Variants in RPTOR observed in about 807,000 individuals in gnomAD.
RPTOR encodes regulatory-associated protein of mTOR.
Under a neutral mutation model 169.9 loss-of-function variants are expected in RPTOR, and 21 were observed. The observed-to-expected ratio is 0.12, with a 90% CI of 0.09 to 0.18. The LOEUF (loss-of-function observed/expected upper bound fraction) is 0.18. Ranked by LOEUF, RPTOR falls within the 10% of genes least tolerant of loss-of-function variation. The probability of loss-of-function intolerance (pLI) is 1.00; values close to 1 mark genes in which losing one functional copy is unlikely to be tolerated. For synonymous variants in RPTOR, 732 were observed against 753.2 expected (o/e 0.97, Z 0.46); for missense variants, 1,133 against 1,855.9 (o/e 0.61, Z 7.16).
chr17:80,736,157 T>G, intron 5 of RPTOR, among the ~76,000 whole-genome samples: 1 of 150,866 alleles, frequency 6.6e-6, no homozygotes, highest in African/African-American at 2.4e-5. Flanking sequence ...GGCAATAGAG[T>G]GAGACCCCAT....
rs1201586387 is a variant in RPTOR at position 80,943,848 on chromosome 17, C to G, written c.3026-1819C>G. Among the ~76,000 whole-genome samples the G allele has an allele frequency of 2.5e-5, 3 of 122,120 alleles. No individual in the cohort carries two copies. The South Asian group carries it at 8.1e-4, about 33-fold the overall frequency. 80.1% of individuals were successfully genotyped at this position (122,120 alleles called of 152,430 possible). On this transcript the variant is annotated intron_variant, in intron 25 of 33. Coordinates refer to ENST00000306801, the MANE Select transcript of RPTOR (RefSeq NM_020761.3). ...GGTTAGTAAGAGCCAGGCGGTGTCT[C>G]TCTGCACCACCTGGAGCTATGTCTC... is the stretch of plus-strand genomic sequence containing the variant.
chr17:80,917,087 G>A (rs912666538), intron 21 of RPTOR, among the ~76,000 whole-genome samples: 6 of 151,796 alleles, frequency 4.0e-5, no homozygotes, highest in African/African-American at 7.2e-5. Context: ...TCATGCTTTC[G>A]TAGCATGAGT....
intron 2 of RPTOR, among the ~76,000 whole-genome samples, chr17:80,635,914 A>G (rs971673680): frequency 3.9e-5 from 6 of 152,134 alleles, no homozygotes; most frequent in Non-Finnish European, 7.3e-5. Flanking sequence ...TGCCTTCCTC[A>G]AGATGAGAAT....
At chr17:80,694,609 C>G (rs141188771) in intron 3 of RPTOR, among the ~76,000 whole-genome samples, 2 of 152,200 alleles carry the variant, frequency 1.3e-5, no homozygotes, top group East Asian at 3.9e-4. Context: ...GCCAGGCAGG[C>G]GTGCACATAT....
At chr17:80,729,000 G>A (rs748069563) in intron 4 of RPTOR, among the ~76,000 whole-genome samples, 9 of 152,188 alleles carry the variant, frequency 5.9e-5, no homozygotes, top group African/African-American at 1.4e-4. Context: ...TCCTGCCCAC[G>A]ATGATGTACG....
At chr17:80,913,862 T>G (rs1287214933) in intron 21 of RPTOR, among the ~76,000 whole-genome samples, 1 of 152,188 alleles carries the variant, frequency 6.6e-6, no homozygotes, top group East Asian at 1.9e-4. Flanking sequence ...CCTCAGTGGT[T>G]TTAGGACAAT....
chr17:80,766,275 A>G (rs1424553559), intron 6 of RPTOR, among the ~76,000 whole-genome samples: 4 of 152,006 alleles, frequency 2.6e-5, no homozygotes, highest in South Asian at 2.1e-4. Context: ...CTGGTCTCGA[A>G]CTCCTAAGCT....
At chr17:80,930,087 G>GCATCCTCAACT (rs1296814599) in intron 24 of RPTOR, among the ~76,000 whole-genome samples, 1 of 35,076 alleles carries the variant, frequency 2.9e-5, no homozygotes, top group Non-Finnish European at 5.9e-5. Context: ...CATCCCCAGC[G>GCATCCTCAACT]CATCCTCAAC....
intron 5 of RPTOR, among the ~76,000 whole-genome samples, chr17:80,744,901 T>TTACTAGCAGAGC (rs1567889528): frequency 1.4e-5 from 1 of 71,172 alleles, no homozygotes; most frequent in African/African-American, 7.6e-5. Context: ...ACTAGCACTG[T>TTACTAGCAGAGC]CCTGGCTACT....
chr17:80,580,064 C>T (rs1239881623), intron 1 of RPTOR, among the ~76,000 whole-genome samples: 5 of 152,184 alleles, frequency 3.3e-5, no homozygotes, highest in Non-Finnish European at 7.3e-5. Flanking sequence ...GGCTTCCTCA[C>T]GGTCAGGCAT....
chr17:80,691,339 GGTGTGGT>G (rs1473057803), intron 3 of RPTOR, among the ~76,000 whole-genome samples: 1 of 120,874 alleles, frequency 8.3e-6, no homozygotes, highest in Non-Finnish European at 1.7e-5. Flanking sequence ...GTATGTGTGT[GGTGTGGT>G]GTGTGTGGCC....
chr17:80,923,222 TG>T (rs1598403284), intron 22 of RPTOR, among the ~76,000 whole-genome samples: 1 of 152,234 alleles, frequency 6.6e-6, no homozygotes, highest in East Asian at 1.9e-4. Context: ...GACTCTGAGC[TG>T]GGTTCGTCCT....
intron 1 of RPTOR, among the ~76,000 whole-genome samples, chr17:80,585,187 A>T (rs181875019): frequency 7.6e-6 from 1 of 132,296 alleles, no homozygotes; most frequent in African/African-American, 3.9e-5. Context: ...TATTATTATT[A>T]TTATTATTAT....
At position 80,851,132 on chromosome 17, in the gene RPTOR, T is replaced by C. The variant is rs565086242; in HGVS notation, c.1315-4332T>C. 2.3e-4 allele frequency among the ~76,000 whole-genome samples: 35 copies of C among 152,214 alleles called. 1 individual carries two copies. The highest frequency in any genetic ancestry group is 8.5e-4 in the Admixed American group (13 of 15,278). On this transcript the variant is annotated intron_variant, in intron 11 of 33. Transcript: ENST00000306801. ...TTTGTAGAGACGGGGTTTCACCATG[T>C]TGGGCAGGCTGGTCTCGACCTCCTG... is the stretch of plus-strand genomic sequence containing the variant.
rs1220554818 is a variant in RPTOR at position 80,707,835 on chromosome 17, C to T, written c.349-6C>T. 1 of 1,607,928 alleles carries T rather than the reference C, an allele frequency of 6.2e-7. No homozygotes were observed. The highest frequency in any genetic ancestry group is 1.1e-5 in the South Asian group (1 of 90,840). On this transcript the variant is annotated splice_region_variant and splice_polypyrimidine_tract_variant and intron_variant, in intron 3 of 33. Transcript: ENST00000306801. This position sits in a 1 kb window ranked among gnomAD's most constrained non-coding sequence, Gnocchi z 5.0. ...GTAAATTTCTTCATTTCTTCTCCTGCAACAGGCCCGGTACAAGCAGAGCCT... is the reference window on the plus strand; with the variant it reads ...GTAAATTTCTTCATTTCTTCTCCTGTAACAGGCCCGGTACAAGCAGAGCCT...
At chr17:80,806,971 C>T (rs191326999) in intron 7 of RPTOR, among the ~76,000 whole-genome samples, 114 of 152,296 alleles carry the variant, frequency 7.5e-4, no homozygotes, top group African/African-American at 2.4e-3. Flanking sequence ...CCAGATTAAC[C>T]GTACCAACTC....
At chr17:80,570,222 G>A (rs1299352805) in intron 1 of RPTOR, among the ~76,000 whole-genome samples, 3 of 152,100 alleles carry the variant, frequency 2.0e-5, no homozygotes, top group East Asian at 3.9e-4. Flanking sequence ...CCACGTTCCT[G>A]TATGACTCGT....
chr17:80,566,101 C>T (rs1378192046), intron 1 of RPTOR, among the ~76,000 whole-genome samples: 4 of 152,218 alleles, frequency 2.6e-5, no homozygotes, highest in Non-Finnish European at 4.4e-5. Context: ...GCTGGTTCCA[C>T]GGCTCTCTAC....
At chr17:80,780,900 C>G (rs764146136) in intron 6 of RPTOR, among the ~76,000 whole-genome samples, 1 of 152,210 alleles carries the variant, frequency 6.6e-6, no homozygotes, top group African/African-American at 2.4e-5. Context: ...ATTGAGCGTG[C>G]GCTCTCAGTT....
Sources: gnomAD v4.1 joint callset for allele counts (sites outside exome capture counted in the v4.1 genomes callset) on GRCh38, gnomAD v4.1.1 for gene constraint, Gnocchi (gnomAD v3.1) non-coding constraint, MANE v1.5 for transcripts, NCBI Gene and HGNC (gene_info 2026-07-23, HGNC 2026-07-21) for gene names.